SUFU: variants seen among roughly 807,000 people sequenced by gnomAD.
The protein encoded by SUFU is SUFU negative regulator of hedgehog signaling.
SUFU carries 7 observed loss-of-function variants against 58.9 expected under a neutral mutation model. That is an observed-to-expected ratio of 0.12 (90% CI 0.07 to 0.22). The LOEUF is 0.22. Among genes scored for constraint, SUFU ranks in the 10% least tolerant of loss-of-function variants. The pLI, the probability that SUFU is intolerant of heterozygous loss-of-function variation, is 1.00. For synonymous variants in SUFU, 232 were observed against 254.8 expected, an observed-to-expected ratio of 0.91 and a Z score of 0.85; for missense variants, 451 against 641.3, an observed-to-expected ratio of 0.70 and a Z score of 3.20.
chr10:102,561,056 T>C (rs2063032744), intron 3 of SUFU, among the ~76,000 whole-genome samples: 7 of 152,206 alleles, frequency 4.6e-5, no homozygotes, highest in African/African-American at 1.7e-4. Context: ...TTGCCCAGGC[T>C]GATCTCGAAC....
chr10:102,507,961 A>ATTTTT (rs3061832), intron 1 of SUFU, among the ~76,000 whole-genome samples: 3 of 116,580 alleles, frequency 2.6e-5, no homozygotes, highest in South Asian at 2.7e-4. Flanking sequence ...TTTCTTATCC[A>ATTTTT]TTTTTTTTTT....
At chr10:102,511,099 C>G (rs1037373260) in intron 2 of SUFU, among the ~76,000 whole-genome samples, 1 of 120,184 alleles carries the variant, frequency 8.3e-6, no homozygotes, top group Non-Finnish European at 1.7e-5. Flanking sequence ...CCAGCCTGGG[C>G]AACAAGAGTG....
Position 102,550,044 on chromosome 10 carries a change from C to G in SUFU, c.392C>G (p.Ser131Cys), listed in dbSNP as rs199626362. 1 of 1,614,202 alleles carries G rather than the reference C, an allele frequency of 6.2e-7. No individual in the cohort carries two copies. Among genetic ancestry groups the G allele is most frequent in the African/African-American group, 1.3e-5 (1 of 75,060 alleles). ...TFRLKRETGE[S>C]APPTWPAELM... is the part of the protein sequence containing the mutation. Reference sequence around the variant, plus strand: ...CGTCTGAAGAGAGAAACTGGGGAGTCTGCCCCACCAACATGGCCCGCAGAG... The same window carrying G: ...CGTCTGAAGAGAGAAACTGGGGAGTGTGCCCCACCAACATGGCCCGCAGAG... The change falls in exon 3 of 12, where the codon TCT becomes TGT. Residue 131 changes from serine to cysteine, a missense_variant. By Grantham distance (112) the Ser-to-Cys change is moderately radical (BLOSUM62 -1). Coordinates refer to ENST00000369902, the MANE Select transcript of SUFU (RefSeq NM_016169.4).
chr10:102,570,614 G>A (rs1419144860), intron 3 of SUFU, among the ~76,000 whole-genome samples: 1 of 152,054 alleles, frequency 6.6e-6, no homozygotes, highest in Non-Finnish European at 1.5e-5. Flanking sequence ...TTGCAAACAA[G>A]TCCTTCCCCC....
chr10:102,626,483 C>G lies in SUFU; in HGVS notation c.1297-692C>G, dbSNP rs183080518. 1.4e-3 allele frequency among the ~76,000 whole-genome samples: 220 copies of G among 152,218 alleles called. 4 individuals carry two copies. The highest frequency in any genetic ancestry group is 3.7e-4 in the Non-Finnish European group (25 of 68,006). Reference sequence around the variant, plus strand: ...GCAACGTGGAATGCTGGGAGGTGACCTAGAGAAGAGGAACCTCAAAGAAGG... The same window carrying G: ...GCAACGTGGAATGCTGGGAGGTGACGTAGAGAAGAGGAACCTCAAAGAAGG... On this transcript the variant is annotated intron_variant, in intron 10 of 11. Transcript: ENST00000369902.
intron 3 of SUFU, among the ~76,000 whole-genome samples, chr10:102,578,607 C>T (rs766179899): frequency 6.6e-5 from 10 of 151,474 alleles, no homozygotes; most frequent in Non-Finnish European, 1.3e-4. Context: ...ACTCGGTAGG[C>T]TGAGGCAGGA....
chr10:102,525,073 A>G (rs1247524208), intron 2 of SUFU, among the ~76,000 whole-genome samples: 6 of 152,124 alleles, frequency 3.9e-5, no homozygotes, highest in Non-Finnish European at 8.8e-5. Context: ...GTGATTTTGG[A>G]AAAATTGTCT....
At chr10:102,568,575 C>T (rs2063117637) in intron 3 of SUFU, among the ~76,000 whole-genome samples, 1 of 152,058 alleles carries the variant, frequency 6.6e-6, no homozygotes, top group East Asian at 1.9e-4. Context: ...GTCTTTCTAG[C>T]TAAGTAACTA....
intron 2 of SUFU, among the ~76,000 whole-genome samples, chr10:102,544,143 A>G (rs1246737359): frequency 6.6e-6 from 1 of 152,166 alleles, no homozygotes; most frequent in African/African-American, 2.4e-5. Context: ...TTCAAGTTCT[A>G]GCTCTATCAC....
At position 102,630,236 on chromosome 10, in the gene SUFU, A is replaced by G; in HGVS notation, c.*81A>G. Reference sequence around the variant, plus strand: ...CCAGTGTAACAGTTGTGTCAACGAGATCTCCACAAATAAAAGGACAAGTGT... The same window carrying G: ...CCAGTGTAACAGTTGTGTCAACGAGGTCTCCACAAATAAAAGGACAAGTGT... On this transcript the variant is annotated 3_prime_UTR_variant, in exon 12 of 12. Coordinates refer to ENST00000369902, the MANE Select transcript of SUFU (RefSeq NM_016169.4). 8.3e-7 allele frequency: 1 copy of G among 1,204,414 alleles called. No homozygotes were observed. Among genetic ancestry groups the G allele is most frequent in the Non-Finnish European group, 1.2e-6 (1 of 815,236 alleles). 74.6% of individuals were successfully genotyped at this position (1,204,414 alleles called of 1,614,324 possible).
intron 3 of SUFU, among the ~76,000 whole-genome samples, chr10:102,564,468 GATT>G (rs1243778449): frequency 2.0e-5 from 3 of 152,086 alleles, no homozygotes; most frequent in Non-Finnish European, 4.4e-5. Context: ...GAGTAGCTGG[GATT>G]ACAGGCGTGC....
At position 102,618,768 on chromosome 10, in the gene SUFU, C is replaced by T. The variant is rs193193703; in HGVS notation, c.1296+1340C>T. 1,587 of 500,446 alleles carry T rather than the reference C, an allele frequency of 3.2e-3. 27 individuals are homozygous for T. Among genetic ancestry groups the T allele is most frequent in the Non-Finnish European group, 5.0e-4 (141 of 283,010 alleles). 31.0% of individuals were successfully genotyped at this position (500,446 alleles called of 1,614,324 possible). ...CCCAGCACAAGTGGAAAGGGCCTCC[C>T]TCCATTCCCTACCCCCAGCCATGTC... On this transcript the variant is annotated intron_variant, in intron 10 of 11. Transcript: ENST00000369902.
intron 2 of SUFU, among the ~76,000 whole-genome samples, chr10:102,525,172 G>A (rs940818391): frequency 9.2e-5 from 14 of 152,052 alleles, no homozygotes; most frequent in Non-Finnish European, 2.1e-4. Context: ...GTGCGGTAGT[G>A]TAATCTCGGC....
intron 8 of SUFU, among the ~76,000 whole-genome samples, chr10:102,610,873 G>A (rs1432803781): frequency 6.6e-6 from 1 of 152,182 alleles, no homozygotes; most frequent in South Asian, 2.1e-4. Flanking sequence ...CGGGTCCCAG[G>A]GCATCCCATG....
chr10:102,599,908 C>G (rs1371272237), intron 8 of SUFU, among the ~76,000 whole-genome samples: 2 of 152,198 alleles, frequency 1.3e-5, no homozygotes, highest in East Asian at 3.9e-4. Flanking sequence ...GTTGCCCTTC[C>G]TTCCTTCCTG....
At chr10:102,616,644 CT>C (rs2063689570) in intron 9 of SUFU, among the ~76,000 whole-genome samples, 1 of 152,278 alleles carries the variant, frequency 6.6e-6, no homozygotes, top group Admixed American at 6.5e-5. Flanking sequence ...TTAGCTGCCC[CT>C]GCCTGCCCCT....
At chr10:102,605,055 A>T (rs375817024) in intron 8 of SUFU, among the ~76,000 whole-genome samples, 5 of 149,432 alleles carry the variant, frequency 3.3e-5, no homozygotes, top group East Asian at 2.0e-4. Context: ...AGTAGCTGGG[A>T]TTATAAGCAC....
At chr10:102,550,363 C>T (rs1310793055) in intron 3 of SUFU, among the ~76,000 whole-genome samples, 4 of 152,086 alleles carry the variant, frequency 2.6e-5, no homozygotes, top group Non-Finnish European at 4.4e-5. Flanking sequence ...GCACCCTTGT[C>T]GTGTTTCATG....
intron 2 of SUFU, among the ~76,000 whole-genome samples, chr10:102,538,624 C>T (rs544458613): frequency 7.9e-5 from 12 of 152,062 alleles, no homozygotes; most frequent in Non-Finnish European, 1.3e-4. Flanking sequence ...TTACCACACG[C>T]ATGCATGCAC....
Sources: gnomAD v4.1 joint callset for allele counts (sites outside exome capture counted in the v4.1 genomes callset) on GRCh38, gnomAD v4.1.1 for gene constraint, MANE v1.5 for transcripts, NCBI Gene and HGNC (gene_info 2026-07-23, HGNC 2026-07-21) for gene names.